The following TMEM94 variants were observed in gnomAD, a reference collection of about 807,000 sequenced individuals.
The protein encoded by TMEM94 is ER Mg2+ ATPase.
A neutral mutation model predicts 158.6 loss-of-function variants in TMEM94; 81 were observed. The ratio of observed to expected loss-of-function variants is 0.51; its 90% CI spans 0.43 to 0.61. The LOEUF (loss-of-function observed/expected upper bound fraction) is 0.61. Ranked by LOEUF, TMEM94 falls within the 20% of genes least tolerant of loss-of-function variation. TMEM94 has a pLI of 0.00. For synonymous variants in TMEM94, 751 were observed against 730.7 expected, an observed-to-expected ratio of 1.03 and a Z score of -0.45; for missense variants, 1,435 against 1,762.0, an observed-to-expected ratio of 0.81 and a Z score of 3.32.
intron 2 of TMEM94, among the ~76,000 whole-genome samples, chr17:75,473,472 C>A (rs2050569056): frequency 6.6e-6 from 1 of 152,158 alleles, no homozygotes; most frequent in African/African-American, 2.4e-5. Flanking sequence ...GAGGCTGAAT[C>A]CCCCAAAACA....
rs1188413630 is a variant in TMEM94 at position 75,489,081 on chromosome 17, C to T, written c.764+171C>T. Among the ~76,000 whole-genome samples, 5 of 152,350 alleles carry T rather than the reference C, an allele frequency of 3.3e-5. No individual in the cohort carries two copies. In the South Asian group the frequency reaches 8.3e-4, roughly 25 times the overall value. On this transcript the variant is annotated intron_variant, in intron 7 of 31. Coordinates refer to ENST00000314256, the MANE Select transcript of TMEM94 (RefSeq NM_014738.6). This position sits in a 1 kb window ranked among gnomAD's most constrained non-coding sequence, Gnocchi z 5.0. ...ATTCTTAGACTGAGTGGTGCCCTCT[C>T]CCAGTCTCTACTCTGAGGGGACAGC...
At chr17:75,488,989 C>A in intron 7 of TMEM94, 79 bp downstream of exon 7, 1 of 1,455,968 alleles carries the variant, frequency 6.9e-7, no homozygotes, top group Non-Finnish European at 9.3e-7. Context: ...GAAGGGGCCC[C>A]GTTCATCTCG....
At chr17:75,481,579 C>T (rs768575505) in intron 2 of TMEM94, among the ~76,000 whole-genome samples, 44 of 152,164 alleles carry the variant, frequency 2.9e-4, no homozygotes, top group Admixed American at 2.8e-3. Flanking sequence ...GCTCAGTTGC[C>T]GAGGAGGGGG....
rs1466855403 is a variant in TMEM94 at position 75,496,326 on chromosome 17, C to T, written c.3098C>T (p.Thr1033Ile). ...PLYPSRCSWETFGYATSISMA... is the reference protein window; with the variant it reads ...PLYPSRCSWEIFGYATSISMA... Reference sequence around the variant, plus strand: ...TACCCATCCCGTTGCTCCTGGGAGACCTTTGGCTACGCCACCAGCATCAGC... The same window carrying T: ...TACCCATCCCGTTGCTCCTGGGAGATCTTTGGCTACGCCACCAGCATCAGC... Residue 1033 changes from threonine to isoleucine, a missense_variant, in exon 24 of 32, where the codon ACC (threonine) becomes ATC (isoleucine). Coordinates refer to ENST00000314256, the MANE Select transcript of TMEM94 (RefSeq NM_014738.6). 1 of 1,614,156 alleles carries T rather than the reference C, an allele frequency of 6.2e-7. No homozygotes were observed. Among genetic ancestry groups the T allele is most frequent in the Non-Finnish European group, 8.5e-7 (1 of 1,180,034 alleles).
Position 75,492,398 on chromosome 17 carries a change from T to G in TMEM94, c.1597-76T>G. On this transcript the variant is annotated intron_variant, in intron 14 of 31. Transcript: ENST00000314256. The surrounding 1 kb of genome is among the most constrained non-coding windows in gnomAD (Gnocchi z 4.4). ...CAGGGGCAGGAGCCCTCCCCAGCCT[T>G]GGGAGGTGGGCAGAGCCAGTGCTGG... 6.7e-7 allele frequency: 1 copy of G among 1,496,950 alleles called. No individual in the cohort carries two copies. Among genetic ancestry groups the G allele is most frequent in the Non-Finnish European group, 8.9e-7 (1 of 1,120,338 alleles). 92.7% of individuals were successfully genotyped at this position (1,496,950 alleles called of 1,614,324 possible). A position where few individuals can be genotyped will look rare whatever the true frequency, so the allele number is the denominator to read the frequency against.
intron 2 of TMEM94, among the ~76,000 whole-genome samples, chr17:75,483,924 G>C (rs2051372131): frequency 6.6e-6 from 1 of 152,188 alleles, no homozygotes; most frequent in African/African-American, 2.4e-5. Context: ...GGTTGCTCTG[G>C]AAACCTACAG....
At chr17:75,456,878 A>G in intron 1 of TMEM94, 127 bp downstream of exon 1, 1 of 152,514 alleles carries the variant, frequency 6.6e-6, no homozygotes, top group Non-Finnish European at 1.5e-5. Context: ...GAACGGCTTA[A>G]GGGGATGCCT....
chr17:75,492,176 G>A lies in TMEM94; in HGVS notation c.1596+276G>A. On this transcript the variant is annotated intron_variant, in intron 14 of 31. Coordinates refer to ENST00000314256, the MANE Select transcript of TMEM94 (RefSeq NM_014738.6). This position sits in a 1 kb window ranked among gnomAD's most constrained non-coding sequence, Gnocchi z 4.4. ...CAGCCCGGAGCTCCCTCTTAGAGATGTTCCCTGGCCACAGAAGATCCCTCA... is the reference window on the plus strand; with the variant it reads ...CAGCCCGGAGCTCCCTCTTAGAGATATTCCCTGGCCACAGAAGATCCCTCA... The A allele has an allele frequency of 1.7e-6, 2 of 1,178,518 alleles. No homozygotes were observed. The highest frequency in any genetic ancestry group is 2.6e-5 in the East Asian group (1 of 38,318). 73.0% of individuals were successfully genotyped at this position (1,178,518 alleles called of 1,614,324 possible). A position where few individuals can be genotyped will look rare whatever the true frequency, so the allele number is the denominator to read the frequency against.
chr17:75,478,011 T>C (rs1055126972), intron 2 of TMEM94, among the ~76,000 whole-genome samples: 2 of 89,598 alleles, frequency 2.2e-5, no homozygotes, highest in Non-Finnish European at 4.8e-5. Flanking sequence ...ATCTTTTTTT[T>C]TTTTTTTTTT....
Position 75,491,184 on chromosome 17 carries a change from C to T in TMEM94, c.1233+31C>T. The T allele has an allele frequency of 6.3e-7, 1 of 1,593,664 alleles. No individual in the cohort carries two copies. Among genetic ancestry groups the T allele is most frequent in the East Asian group, 2.2e-5 (1 of 44,622 alleles). ...GGTGGGCCTTGCGGGGAGGAGGCAACTGTCATGCCCGCCCTGCTCTCTGGC... is the reference window on the plus strand; with the variant it reads ...GGTGGGCCTTGCGGGGAGGAGGCAATTGTCATGCCCGCCCTGCTCTCTGGC... On this transcript the variant is annotated intron_variant, in intron 12 of 31. Coordinates refer to ENST00000314256, the MANE Select transcript of TMEM94 (RefSeq NM_014738.6). This position sits in a 1 kb window ranked among gnomAD's most constrained non-coding sequence, Gnocchi z 5.1.
chr17:75,473,231 T>G (rs928785681), intron 2 of TMEM94, among the ~76,000 whole-genome samples: 1 of 152,226 alleles, frequency 6.6e-6, no homozygotes. Flanking sequence ...AATAGGTTTC[T>G]GGAATTGAAC....
At position 75,498,261 on chromosome 17, in the gene TMEM94, G is replaced by C. The variant is rs1598445476; in HGVS notation, c.3576G>C (p.Gln1192His). 3 of 1,613,678 alleles carry C rather than the reference G, an allele frequency of 1.9e-6. No individual in the cohort carries two copies. The highest frequency in any genetic ancestry group is 2.5e-6 in the Non-Finnish European group (3 of 1,180,006). Reference protein sequence around the residue: ...SCLICFGFTLQSFCDSSRDRN... With the variant: ...SCLICFGFTLHSFCDSSRDRN... ...TCATCTGCTTTGGCTTCACACTGCA[G>C]AGCTTCTGTGACAGCTCCCGGGACC... Residue 1192 changes from glutamine (Q) to histidine (H), a missense_variant, in exon 28 of 32, where the codon CAG (glutamine) becomes CAC (histidine). Coordinates refer to ENST00000314256, the MANE Select transcript of TMEM94 (RefSeq NM_014738.6). This position sits in a 1 kb window ranked among gnomAD's most constrained non-coding sequence, Gnocchi z 6.7.
chr17:75,489,368 G>C lies in TMEM94; in HGVS notation c.867G>C (p.Leu289=), dbSNP rs200230574. The change falls in exon 8 of 32, where the codon CTG becomes CTC. Residue 289 remains leucine (L), a splice_region_variant and synonymous_variant. Coordinates refer to ENST00000314256, the MANE Select transcript of TMEM94 (RefSeq NM_014738.6). This position sits in a 1 kb window ranked among gnomAD's most constrained non-coding sequence, Gnocchi z 5.0. The stretch of plus-strand genomic sequence containing the variant: ...TACACTATGCTGTGCCCGTGGTCCT[G>C]GTGCGTGTGGCGGGGCTGTGCGGGG... ...VMLHYAVPVV[L]AGFLITNALR... is the part of the protein sequence containing the mutation. The C allele has an allele frequency of 6.2e-7, 1 of 1,614,086 alleles. No individual in the cohort carries two copies. Among genetic ancestry groups the C allele is most frequent in the Non-Finnish European group, 8.5e-7 (1 of 1,179,932 alleles).
At position 75,495,663 on chromosome 17, in the gene TMEM94, G is replaced by A. The variant is rs200074176; in HGVS notation, c.2944+20G>A. ...CAGAGAGTGAGTGCTGTGGCCATGG[G>A]TACTTGGGCAACCTGGTCCCGTCGG... On this transcript the variant is annotated intron_variant, in intron 22 of 31. Transcript: ENST00000314256. The surrounding 1 kb of genome is among the most constrained non-coding windows in gnomAD (Gnocchi z 5.6). The A allele has an allele frequency of 6.9e-5, 111 of 1,608,892 alleles. No homozygotes were observed. Among genetic ancestry groups the A allele is most frequent in the Non-Finnish European group, 9.3e-5 (109 of 1,176,142 alleles).
At chr17:75,463,137 T>TATAC (rs2050165684) in intron 1 of TMEM94, among the ~76,000 whole-genome samples, 3 of 77,050 alleles carry the variant, frequency 3.9e-5, no homozygotes, top group African/African-American at 2.6e-4. Flanking sequence ...CGTGTATATA[T>TATAC]GTATATATAT....
At chr17:75,488,612 T>A (rs2051839169) in intron 6 of TMEM94, 147 bp from the exon 7 acceptor site, 1 of 896,924 alleles carries the variant, frequency 1.1e-6, no homozygotes, top group Admixed American at 2.3e-5. Context: ...TCGCTAAAAG[T>A]CTAGTCCCAC....
At chr17:75,494,854 G>T in intron 19 of TMEM94, 42 bp from the exon 20 acceptor site, 1 of 1,612,748 alleles carries the variant, frequency 6.2e-7, no homozygotes, top group Non-Finnish European at 8.5e-7. Flanking sequence ...TGTTTCCACG[G>T]GCTTTTGGGC....
At position 75,464,794 on chromosome 17, in the gene TMEM94, C is replaced by T. The variant is rs144154127; in HGVS notation, c.-106-7006C>T. On this transcript the variant is annotated intron_variant, in intron 1 of 31. Transcript: ENST00000314256. ...CATGATCTCAGCTCACTGCAACCTCCGCCTCCTGAGTTCATGCGATTCTCC... is the reference window on the plus strand; with the variant it reads ...CATGATCTCAGCTCACTGCAACCTCTGCCTCCTGAGTTCATGCGATTCTCC... 2.2e-3 allele frequency among the ~76,000 whole-genome samples: 337 copies of T among 151,532 alleles called. 1 individual carries two copies. Among genetic ancestry groups the T allele is most frequent in the Admixed American group, 5.4e-3 (81 of 15,132 alleles).
At chr17:75,486,466 C>T (rs370922333) in intron 5 of TMEM94, 40 bp downstream of exon 5, 100 of 1,613,176 alleles carry the variant, frequency 6.2e-5, no homozygotes, top group African/African-American at 5.3e-4. Flanking sequence ...AAAAGATGAC[C>T]GGACATATCA....
Sources: gnomAD v4.1 joint callset for allele counts (sites outside exome capture counted in the v4.1 genomes callset) on GRCh38, gnomAD v4.1.1 for gene constraint, Gnocchi (gnomAD v3.1) non-coding constraint, MANE v1.5 for transcripts, NCBI Gene and HGNC (gene_info 2026-07-23, HGNC 2026-07-21) for gene names.